Variants in IFT140 observed in about 807,000 individuals in gnomAD.
The protein encoded by IFT140 is intraflagellar transport 140.
In IFT140, 133 loss-of-function variants were observed where a neutral mutation model predicts 164.6. The observed-to-expected ratio is 0.81, with a 90% CI of 0.70 to 0.93. The LOEUF is 0.93. IFT140 is among the 40% of genes least tolerant of loss of function. IFT140 has a pLI of 0.00. For missense variants in IFT140, 2,045 were observed against 1,972.3 expected (o/e 1.04, Z -0.70); for synonymous variants, 860 against 817.3 (o/e 1.05, Z -0.89).
chr16:1,561,943 G>C, intron 18 of IFT140, 42 bp downstream of exon 18: 1 of 1,498,176 alleles, frequency 6.7e-7, no homozygotes, highest in Non-Finnish European at 8.9e-7. Context: ...CAGGCAAGGG[G>C]AGAGATCAGA....
intron 19 of IFT140, among the ~76,000 whole-genome samples, chr16:1,528,527 ACACAAGCACATGCACG>A (rs1206799123): frequency 6.6e-6 from 1 of 151,662 alleles, no homozygotes; most frequent in Non-Finnish European, 1.5e-5. Context: ...ACACAGGCAC[ACACAAGCACATGCACG>A]CACATGCACA....
At chr16:1,541,240 A>C (rs1596330162) in intron 19 of IFT140, 1 of 985,408 alleles carries the variant, frequency 1.0e-6, no homozygotes, top group Non-Finnish European at 1.2e-6. Context: ...CCACTGAGTG[A>C]AAGATTTGTG....
intron 21 of IFT140, 60 bp from the exon 22 acceptor site, chr16:1,525,386 G>C (rs1401411742): frequency 7.5e-7 from 1 of 1,326,852 alleles, no homozygotes; most frequent in South Asian, 1.2e-5. Context: ...CGGGAACCGG[G>C]TGGGCTGAGG....
At chr16:1,530,958 TG>T (rs1198570759) in intron 19 of IFT140, 1 of 152,306 alleles carries the variant, frequency 6.6e-6, no homozygotes, top group African/African-American at 2.4e-5. Flanking sequence ...CCGAGGCTGC[TG>T]GGAGAACCCA....
intron 4 of IFT140, among the ~76,000 whole-genome samples, chr16:1,601,458 T>C (rs1057328893): frequency 6.6e-6 from 1 of 152,176 alleles, no homozygotes; most frequent in African/African-American, 2.4e-5. Flanking sequence ...GGGTAGGGAA[T>C]GCCCTAGGCC....
At chr16:1,515,072 G>A (rs1461741137) in intron 30 of IFT140, among the ~76,000 whole-genome samples, 1 of 152,008 alleles carries the variant, frequency 6.6e-6, no homozygotes, top group African/African-American at 2.4e-5. Flanking sequence ...AAAATAATGA[G>A]CAGTAATCAC....
intron 15 of IFT140, among the ~76,000 whole-genome samples, chr16:1,567,219 A>T (rs2033767278): frequency 6.6e-6 from 1 of 152,118 alleles, no homozygotes; most frequent in Non-Finnish European, 1.5e-5. Context: ...CCAAGTAGGC[A>T]TCTGCACCCA....
At chr16:1,572,472 C>T (rs1375084333) in intron 13 of IFT140, among the ~76,000 whole-genome samples, 4 of 152,062 alleles carry the variant, frequency 2.6e-5, no homozygotes, top group African/African-American at 7.2e-5. Flanking sequence ...CGGTGAAACC[C>T]CGTCTCTACT....
chr16:1,572,594 C>T (rs1353640723), intron 13 of IFT140, among the ~76,000 whole-genome samples: 1 of 152,094 alleles, frequency 6.6e-6, no homozygotes, highest in South Asian at 2.1e-4. Flanking sequence ...TGCAGTGAGC[C>T]GAGAACATGC....
chr16:1,592,650 C>A (rs2035242142), intron 4 of IFT140, 62 bp from the exon 5 acceptor site: 3 of 1,560,934 alleles, frequency 1.9e-6, no homozygotes, highest in Admixed American at 3.6e-5. Flanking sequence ...GGTGGAGGGA[C>A]AGGTGTCCTG....
At position 1,511,083 on chromosome 16, in the gene IFT140, G is replaced by T. The variant is rs555799779; in HGVS notation, c.4250C>A (p.Pro1417Gln). 15 of 1,610,164 alleles carry T rather than the reference G, an allele frequency of 9.3e-6. No homozygotes were observed. The South Asian group carries it at 1.5e-4, about 17-fold the overall frequency. ...PLANMSYYVSPQAVDAVHRGL... is the reference protein window; with the variant it reads ...PLANMSYYVSQQAVDAVHRGL... ...CCGGTGCACGGCGTCCACGGCCTGC[G>T]GGCTCACGTAGTAGGACATGTTGGC... Residue 1417 changes from proline (P) to glutamine (Q), a missense_variant, in exon 31 of 31, where the codon CCG becomes CAG. Physicochemically the swap from Pro to Gln is moderately conservative, Grantham distance 76. Transcript: ENST00000426508.
intron 19 of IFT140, chr16:1,552,899 C>T (rs990771834): frequency 1.6e-5 from 14 of 894,438 alleles, no homozygotes; most frequent in Admixed American, 6.2e-5. Context: ...GTGATCCACC[C>T]GCCTCAGCCT....
chr16:1,559,140 G>A (rs991886772), intron 18 of IFT140, among the ~76,000 whole-genome samples: 2 of 152,224 alleles, frequency 1.3e-5, no homozygotes, highest in Non-Finnish European at 2.9e-5. Context: ...CCCATCTGCA[G>A]GGTGCTGAGT....
intron 19 of IFT140, chr16:1,534,199 C>T (rs2030810439): frequency 1.9e-5 from 30 of 1,563,704 alleles, no homozygotes; most frequent in South Asian, 4.5e-5. Flanking sequence ...CCCCTAGCAG[C>T]GTCGGCTCTC....
intron 18 of IFT140, 45 bp from the exon 19 acceptor site, chr16:1,558,179 C>G (rs752358816): frequency 3.1e-6 from 5 of 1,591,746 alleles, no homozygotes; most frequent in Admixed American, 3.3e-5. Flanking sequence ...ATATGTAAAG[C>G]TGAAGCCCTC....
At chr16:1,537,669 TCTC>T (rs1247604614) in intron 19 of IFT140, among the ~76,000 whole-genome samples, 1 of 152,206 alleles carries the variant, frequency 6.6e-6, no homozygotes, top group Non-Finnish European at 1.5e-5. Context: ...GGTCTCAATT[TCTC>T]CTCCTCACTT....
intron 26 of IFT140, among the ~76,000 whole-genome samples, chr16:1,523,211 CCT>C (rs1365676107): frequency 6.9e-6 from 1 of 145,102 alleles, no homozygotes; most frequent in African/African-American, 2.6e-5. Context: ...AGAGCGAGAC[CCT>C]GTCTCAAAAA....
chr16:1,534,975 C>T (rs1172129678), intron 19 of IFT140, among the ~76,000 whole-genome samples: 5 of 151,942 alleles, frequency 3.3e-5, no homozygotes, highest in African/African-American at 9.7e-5. Context: ...GAGGCTGAGG[C>T]GGGAGGACTG....
At chr16:1,521,328 A>G (rs537855353) in intron 26 of IFT140, among the ~76,000 whole-genome samples, 1 of 152,066 alleles carries the variant, frequency 6.6e-6, no homozygotes, top group Admixed American at 6.5e-5. Flanking sequence ...AGCCTCCCAA[A>G]GTGCTGGGAT....
Sources: allele counts gnomAD v4.1 joint callset (sites outside exome capture counted in the v4.1 genomes callset), GRCh38; gene constraint gnomAD v4.1.1; transcripts MANE v1.5; gene names NCBI Gene and HGNC (gene_info 2026-07-23, HGNC 2026-07-21).